The following ZMYM4 variants were observed in gnomAD, a reference collection of about 807,000 sequenced individuals.
ZMYM4 encodes the protein zinc finger MYM-type protein 4.
In ZMYM4, 31 loss-of-function variants were observed where a neutral mutation model predicts 183.2. The observed-to-expected ratio is 0.17, with a 90% CI of 0.13 to 0.23. The LOEUF (loss-of-function observed/expected upper bound fraction) is 0.23, where lower values mean the gene tolerates loss of function less well. Among genes scored for constraint, ZMYM4 ranks in the 10% least tolerant of loss-of-function variants. ZMYM4 has a pLI of 1.00. For synonymous variants in ZMYM4, 592 were observed against 631.2 expected, an observed-to-expected ratio of 0.94 and a Z score of 0.93; for missense variants, 1,273 against 1,840.3, an observed-to-expected ratio of 0.69 and a Z score of 5.64.
intron 7 of ZMYM4, 39 bp from the exon 8 acceptor site, chr1:35,381,220 A>G (rs2148964782): frequency 6.7e-7 from 1 of 1,495,716 alleles, no homozygotes; most frequent in Non-Finnish European, 9.0e-7. Context: ...AAAGAAATGA[A>G]TTATACCATG....
At chr1:35,339,580 T>C (rs1442595018) in intron 2 of ZMYM4, among the ~76,000 whole-genome samples, 1 of 152,234 alleles carries the variant, frequency 6.6e-6, no homozygotes, top group African/African-American at 2.4e-5. Context: ...GGAAGATGTG[T>C]ATAGATTATG....
chr1:35,398,565 A>G, intron 21 of ZMYM4, 99 bp downstream of exon 21: 1 of 1,136,876 alleles, frequency 8.8e-7, no homozygotes, highest in South Asian at 1.5e-5. Flanking sequence ...TGTAATTTTA[A>G]CTATTTGTAA....
chr1:35,319,909 C>A (rs1642211897), intron 1 of ZMYM4, among the ~76,000 whole-genome samples: 1 of 152,136 alleles, frequency 6.6e-6, no homozygotes. Context: ...TTTAAATAAA[C>A]AAGTTTCAAA....
chr1:35,345,843 A>G (rs541612664), intron 2 of ZMYM4, among the ~76,000 whole-genome samples: 12 of 152,362 alleles, frequency 7.9e-5, no homozygotes. Context: ...TTAAGTGTAC[A>G]GTTCAGTAGC....
chr1:35,386,858 T>A, intron 11 of ZMYM4, 145 bp from the exon 12 acceptor site: 1 of 812,542 alleles, frequency 1.2e-6, no homozygotes, highest in Non-Finnish European at 1.9e-6. Flanking sequence ...CCCCATTCCG[T>A]AATAAGCTGC....
intron 16 of ZMYM4, 39 bp downstream of exon 16, chr1:35,392,391 G>A (rs1469328361): frequency 6.3e-7 from 1 of 1,590,862 alleles, no homozygotes; most frequent in African/African-American, 1.4e-5. Flanking sequence ...AGCCTATTTA[G>A]GTTGAATGCA....
In ZMYM4 at chr1:35,389,443, G is replaced by A. The variant is rs1315504330; in HGVS notation, c.2436+361G>A. On this transcript the variant is annotated intron_variant, in intron 14 of 29. Transcript: ENST00000314607. This position sits in a 1 kb window ranked among gnomAD's most constrained non-coding sequence, Gnocchi z 4.0. ...ATAGAGTGAAGTCTGTATGTTACAT[G>A]TGTTTTTTAAAAAAAATTAGTATAA... Among the ~76,000 whole-genome samples the A allele has an allele frequency of 1.3e-5, 2 of 152,000 alleles. No individual in the cohort carries two copies. The highest frequency in any genetic ancestry group is 2.9e-5 in the Non-Finnish European group (2 of 67,994).
intron 26 of ZMYM4, among the ~76,000 whole-genome samples, chr1:35,412,958 T>G (rs1043072557): frequency 2.3e-4 from 35 of 152,082 alleles, no homozygotes; most frequent in Admixed American, 6.5e-5. Context: ...ACCAAAATAC[T>G]TTTATCACGT....
intron 1 of ZMYM4, among the ~76,000 whole-genome samples, chr1:35,284,001 G>A (rs190529911): frequency 0.014 from 2,033 of 150,528 alleles, 51 homozygotes; most frequent in African/African-American, 0.047. Flanking sequence ...ACGGAGTCTC[G>A]CTCTGTCGCC....
At position 35,307,308 on chromosome 1, in the gene ZMYM4, T is replaced by C. The variant is rs181726709; in HGVS notation, c.40-18052T>C. Among the ~76,000 whole-genome samples the C allele has an allele frequency of 2.4e-3, 366 of 152,196 alleles. 3 individuals are homozygous for C. Among genetic ancestry groups the C allele is most frequent in the African/African-American group, 7.8e-3 (325 of 41,548 alleles). On this transcript the variant is annotated intron_variant, in intron 1 of 29. Transcript: ENST00000314607. ...GTGAAAATTTGGTAGGTTTAGGTTTTAGTGCTGTGCAGTTTAGAAAGCTTT... is the reference window on the plus strand; with the variant it reads ...GTGAAAATTTGGTAGGTTTAGGTTTCAGTGCTGTGCAGTTTAGAAAGCTTT...
At chr1:35,323,581 T>C (rs2148817093) in intron 1 of ZMYM4, among the ~76,000 whole-genome samples, 2 of 152,012 alleles carry the variant, frequency 1.3e-5, no homozygotes, top group Middle Eastern at 3.4e-3. Context: ...TCTCGCTCTG[T>C]CGCCCAGGCT....
At chr1:35,327,774 G>A (rs1168813551) in intron 2 of ZMYM4, among the ~76,000 whole-genome samples, 4 of 152,318 alleles carry the variant, frequency 2.6e-5, no homozygotes, top group Non-Finnish European at 2.9e-5. Context: ...TTCTCTACAA[G>A]TGCTGCCAGA....
chr1:35,348,392 T>C (rs1250179119), intron 2 of ZMYM4, among the ~76,000 whole-genome samples: 2 of 152,246 alleles, frequency 1.3e-5, no homozygotes, highest in Non-Finnish European at 2.9e-5. Context: ...AAACATTTCT[T>C]GTAGCATTAC....
At position 35,287,511 on chromosome 1, in the gene ZMYM4, T is replaced by A. The variant is rs183661495; in HGVS notation, c.39+18426T>A. On this transcript the variant is annotated intron_variant, in intron 1 of 29. Coordinates refer to ENST00000314607, the MANE Select transcript of ZMYM4 (RefSeq NM_005095.3). ...TTCACTATGTCTACAACTGAACTCCTACTTCCTTCTTCCCTGCCAATTACT... is the reference window on the plus strand; with the variant it reads ...TTCACTATGTCTACAACTGAACTCCAACTTCCTTCTTCCCTGCCAATTACT... Among the ~76,000 whole-genome samples, 256 of 152,302 alleles carry A rather than the reference T, an allele frequency of 1.7e-3. 2 individuals are homozygous for A. Among genetic ancestry groups the A allele is most frequent in the African/African-American group, 6.0e-3 (249 of 41,594 alleles).
rs1289796267 is a variant in ZMYM4, at chr1:35,369,492, A to G, written c.841-537A>G. Among the ~76,000 whole-genome samples the G allele has an allele frequency of 2.6e-5, 4 of 152,274 alleles. No homozygotes were observed. The East Asian group carries it at 5.8e-4, about 22-fold the overall frequency. On this transcript the variant is annotated intron_variant, in intron 5 of 29. Transcript: ENST00000314607. ...TAATTTTGGAGTAATATATACTAAT[A>G]TACAAACGTTCAAATGATTCAAATG...
At chr1:35,299,003 A>T (rs1254848538) in intron 1 of ZMYM4, among the ~76,000 whole-genome samples, 1 of 151,226 alleles carries the variant, frequency 6.6e-6, no homozygotes, top group Non-Finnish European at 1.5e-5. Context: ...TTTCTGAACA[A>T]GTATTTATTT....
At chr1:35,274,475 C>T (rs1004080527) in intron 1 of ZMYM4, among the ~76,000 whole-genome samples, 1 of 151,978 alleles carries the variant, frequency 6.6e-6, no homozygotes, top group African/African-American at 2.4e-5. Context: ...GGTTTAGTAG[C>T]CTCGTCTACT....
Position 35,387,318 on chromosome 1 carries a change from G to A in ZMYM4, c.2112+40G>A, listed in dbSNP as rs371784695. On this transcript the variant is annotated intron_variant, in intron 12 of 29. Coordinates refer to ENST00000314607, the MANE Select transcript of ZMYM4 (RefSeq NM_005095.3). ...GTTCATGATAAGATTTTGAGTATAC[G>A]TGGGTCTATTTGTAAAATTATTTTT... 2.9e-5 allele frequency: 46 copies of A among 1,597,406 alleles called. No individual in the cohort carries two copies. In the African/African-American group the frequency reaches 4.4e-4, roughly 15 times the overall value.
Position 35,381,536 on chromosome 1 carries a change from T to A in ZMYM4, c.1357-10T>A. The A allele has an allele frequency of 2.5e-6, 4 of 1,614,090 alleles. No individual in the cohort carries two copies. The highest frequency in any genetic ancestry group is 3.4e-6 in the Non-Finnish European group (4 of 1,179,928). ...TCCTTGTTTTTGTGTTGCTGTTATT[T>A]AATTTCTAGATTCGACATGAAGTTA... is the stretch of plus-strand genomic sequence containing the variant. On this transcript the variant is annotated splice_polypyrimidine_tract_variant and intron_variant, in intron 8 of 29. Transcript: ENST00000314607.
Sources: gnomAD v4.1 joint callset for allele counts (sites outside exome capture counted in the v4.1 genomes callset) on GRCh38, gnomAD v4.1.1 for gene constraint, Gnocchi (gnomAD v3.1) non-coding constraint, MANE v1.5 for transcripts, NCBI Gene and HGNC (gene_info 2026-07-23, HGNC 2026-07-21) for gene names.